The following NCKAP5 variants were observed in gnomAD, a reference collection of about 807,000 sequenced individuals.
NCKAP5 encodes NCK associated protein 5.
A neutral mutation model predicts 167.0 loss-of-function variants in NCKAP5; 92 were observed. That is an observed-to-expected ratio of 0.55 (90% CI 0.47 to 0.66). The LOEUF (loss-of-function observed/expected upper bound fraction) is 0.66, where lower values mean the gene tolerates loss of function less well. Ranked by LOEUF, NCKAP5 falls within the 30% of genes least tolerant of loss-of-function variation. The pLI is 0.00. For synonymous variants in NCKAP5, 891 were observed against 877.4 expected (o/e 1.02, Z -0.27); for missense variants, 2,378 against 2,315.0 (o/e 1.03, Z -0.56).
intron 4 of NCKAP5, among the ~76,000 whole-genome samples, chr2:133,290,728 C>CTTTTTTTTTTTTTTTTTTTTT (rs58758295): frequency 1.6e-3 from 143 of 89,298 alleles, no homozygotes; most frequent in Non-Finnish European, 2.1e-3. Context: ...AGAATTTCTC[C>CTTTTTTTTTTTTTTTTTTTTT]TTTTTTTTTT....
intron 4 of NCKAP5, among the ~76,000 whole-genome samples, chr2:133,286,805 G>A (rs1162183394): frequency 2.6e-5 from 4 of 151,714 alleles, no homozygotes; most frequent in Non-Finnish European, 4.4e-5. Flanking sequence ...TAAAGACTGC[G>A]AAAAAAAACA....
intron 3 of NCKAP5, among the ~76,000 whole-genome samples, chr2:133,484,191 A>G (rs1680704988): frequency 6.6e-6 from 1 of 152,186 alleles, no homozygotes; most frequent in South Asian, 2.1e-4. Context: ...GAGCATGAAG[A>G]CAGGCCTGAG....
At chr2:133,629,520 C>T in the NCKAP5 span, among the ~76,000 whole-genome samples, 1 of 152,080 alleles carries the variant, frequency 6.6e-6, no homozygotes, top group Non-Finnish European at 1.5e-5. Context: ...AATGCTTTTA[C>T]ACTCTTGGTG....
At chr2:133,337,418 A>C (rs1055112978) in intron 3 of NCKAP5, among the ~76,000 whole-genome samples, 2 of 152,222 alleles carry the variant, frequency 1.3e-5, no homozygotes, top group Admixed American at 6.5e-5. Flanking sequence ...TATAGGGATG[A>C]GTTCTAATCA....
intron 16 of NCKAP5, among the ~76,000 whole-genome samples, chr2:132,772,707 A>T (rs151058865): frequency 2.9e-3 from 438 of 152,354 alleles, no homozygotes; most frequent in Middle Eastern, 0.027. Context: ...ACACTCTTTC[A>T]GCTGTTTGTT....
At chr2:132,748,896 G>C (rs111817985) in intron 16 of NCKAP5, among the ~76,000 whole-genome samples, 31 of 151,798 alleles carry the variant, frequency 2.0e-4, no homozygotes, top group African/African-American at 7.3e-4. Context: ...CAATTCTCCT[G>C]TCTCAGCCTC....
At chr2:133,401,230 C>A (rs1191245394) in intron 3 of NCKAP5, among the ~76,000 whole-genome samples, 1 of 152,190 alleles carries the variant, frequency 6.6e-6, no homozygotes, top group Non-Finnish European at 1.5e-5. Flanking sequence ...CAGGTTGGTG[C>A]CTCCGGAGAG....
At chr2:133,423,497 A>G (rs991980649) in intron 3 of NCKAP5, among the ~76,000 whole-genome samples, 4 of 152,184 alleles carry the variant, frequency 2.6e-5, no homozygotes, top group African/African-American at 9.7e-5. Context: ...TTACTAACAT[A>G]TAACACACTT....
chr2:132,817,683 T>C (rs1259695334), intron 11 of NCKAP5, among the ~76,000 whole-genome samples: 1 of 152,148 alleles, frequency 6.6e-6, no homozygotes, highest in African/African-American at 2.4e-5. Flanking sequence ...CAGGGGTTCA[T>C]GTCAGTGCCT....
At chr2:133,528,228 A>C (rs1685080667) in intron 2 of NCKAP5, among the ~76,000 whole-genome samples, 1 of 152,140 alleles carries the variant, frequency 6.6e-6, no homozygotes, top group Non-Finnish European at 1.5e-5. Flanking sequence ...AAATACATAC[A>C]TGTGTATATA....
At chr2:133,132,896 T>G (rs2149806126) in intron 5 of NCKAP5, among the ~76,000 whole-genome samples, 1 of 152,212 alleles carries the variant, frequency 6.6e-6, no homozygotes, top group South Asian at 2.1e-4. Flanking sequence ...CAGGATGGTC[T>G]TGATCTCCTG....
chr2:133,416,294 T>A (rs545241286), intron 3 of NCKAP5, among the ~76,000 whole-genome samples: 80 of 152,290 alleles, frequency 5.3e-4, no homozygotes, highest in African/African-American at 1.9e-3. Flanking sequence ...ATGTGTCCCG[T>A]TTTCCAGATT....
intron 19 of NCKAP5, among the ~76,000 whole-genome samples, chr2:132,694,897 G>A (rs1687158716): frequency 6.6e-6 from 1 of 152,134 alleles, no homozygotes; most frequent in African/African-American, 2.4e-5. Context: ...AATCCACCTG[G>A]GTAGCTTATA....
intron 6 of NCKAP5, among the ~76,000 whole-genome samples, chr2:133,055,139 G>A (rs957768847): frequency 6.6e-6 from 1 of 152,162 alleles, no homozygotes; most frequent in South Asian, 2.1e-4. Flanking sequence ...TTCTCTAAGA[G>A]TCTTGAGTTG....
Position 132,676,283 on chromosome 2 carries a change from CTTTTTTTTTTTT to C in NCKAP5, c.5714-2990_5714-2979del, listed in dbSNP as rs61213029. Among the ~76,000 whole-genome samples the C allele has an allele frequency of 2.3e-4, 14 of 61,164 alleles. No individual in the cohort carries two copies. The East Asian group carries it at 4.1e-3, about 18-fold the overall frequency. The allele number at this position is 61,164 out of a possible 152,430, so 40.1% of individuals were successfully genotyped here. On this transcript the variant is annotated intron_variant, in intron 19 of 19. Coordinates refer to ENST00000409261, the MANE Select transcript of NCKAP5 (RefSeq NM_207363.3). ...TCTGAGCTAGGGATGTTGTTTTATCCTTTTTTTTTTTTTTTTTTTTTTTTTTTTGCAGTGTCC... is the reference window on the plus strand; with the variant it reads ...TCTGAGCTAGGGATGTTGTTTTATCCTTTTTTTTTTTTTTTTGCAGTGTCC...
At chr2:133,033,216 C>T (rs1178471727) in intron 6 of NCKAP5, among the ~76,000 whole-genome samples, 1 of 152,158 alleles carries the variant, frequency 6.6e-6, no homozygotes, top group Admixed American at 6.5e-5. Context: ...GAGACTCTGC[C>T]TGGTAATACA....
chr2:132,804,339 G>A (rs1685268816), intron 11 of NCKAP5, among the ~76,000 whole-genome samples: 1 of 152,146 alleles, frequency 6.6e-6, no homozygotes, highest in African/African-American at 2.4e-5. Context: ...ACACAGAAGT[G>A]CCCTGAAATT....
chr2:133,627,671 C>T, the NCKAP5 span, among the ~76,000 whole-genome samples: 40 of 152,112 alleles, frequency 2.6e-4, no homozygotes, highest in South Asian at 6.2e-4. Context: ...TCTCTTTAGA[C>T]GCACTCTGTG....
intron 3 of NCKAP5, among the ~76,000 whole-genome samples, chr2:133,330,044 A>G (rs1353335335): frequency 1.3e-5 from 2 of 148,384 alleles, no homozygotes; most frequent in East Asian, 3.9e-4. Context: ...GTGGCCAAGA[A>G]AGCAAGACCT....
Sources: allele counts gnomAD v4.1 joint callset (sites outside exome capture counted in the v4.1 genomes callset), GRCh38; gene constraint gnomAD v4.1.1; transcripts MANE v1.5; gene names NCBI Gene and HGNC (gene_info 2026-07-23, HGNC 2026-07-21).